TRIO: variants seen among roughly 807,000 people sequenced by gnomAD.
The protein encoded by TRIO is triple functional domain protein.
Under a neutral mutation model 351.9 loss-of-function variants are expected in TRIO, and 58 were observed. The observed-to-expected ratio is 0.16, with a 90% CI of 0.13 to 0.21. The LOEUF (loss-of-function observed/expected upper bound fraction) is 0.21. TRIO is among the 10% of genes least tolerant of loss of function. The pLI is 1.00. For synonymous variants in TRIO, 1,758 were observed against 1,595.7 expected, an observed-to-expected ratio of 1.10 and a Z score of -2.42; for missense variants, 3,201 against 4,027.8, an observed-to-expected ratio of 0.79 and a Z score of 5.56.
intron 14 of TRIO, among the ~76,000 whole-genome samples, chr5:14,364,130 C>G (rs920174281): frequency 6.6e-6 from 1 of 152,216 alleles, no homozygotes; most frequent in Non-Finnish European, 1.5e-5. Context: ...ATGATATTCT[C>G]ACATACTATT....
At chr5:14,144,099 C>T (rs1787341421) in intron 1 of TRIO, among the ~76,000 whole-genome samples, 1 of 152,084 alleles carries the variant, frequency 6.6e-6, no homozygotes, top group Admixed American at 6.5e-5. Flanking sequence ...CGCGCGGCAG[C>T]TTGGCCCGAA....
intron 33 of TRIO, among the ~76,000 whole-genome samples, chr5:14,412,966 G>A (rs776660678): frequency 3.0e-5 from 4 of 134,190 alleles, no homozygotes; most frequent in Non-Finnish European, 5.9e-5. Context: ...GGGAATGATA[G>A]TACTGCTCAC....
At chr5:14,332,613 G>T (rs1289151892) in intron 10 of TRIO, among the ~76,000 whole-genome samples, 1 of 152,116 alleles carries the variant, frequency 6.6e-6, no homozygotes, top group East Asian at 1.9e-4. Context: ...CAAATTATTT[G>T]CTATCAAGCA....
intron 29 of TRIO, among the ~76,000 whole-genome samples, chr5:14,397,736 T>A (rs1747732358): frequency 6.6e-6 from 1 of 152,224 alleles, no homozygotes; most frequent in Non-Finnish European, 1.5e-5. Context: ...CCCCAAATGC[T>A]TTTGCTAGCC....
chr5:14,227,358 G>A (rs1793112769), intron 1 of TRIO, among the ~76,000 whole-genome samples: 1 of 152,196 alleles, frequency 6.6e-6, no homozygotes, highest in South Asian at 2.1e-4. Context: ...AAAGGACAGG[G>A]ACCTCCTTTT....
chr5:14,390,851 G>A (rs1392149945), intron 26 of TRIO, 50 bp from the exon 27 acceptor site: 5 of 1,485,516 alleles, frequency 3.4e-6, no homozygotes, highest in Non-Finnish European at 4.6e-6. Flanking sequence ...AGTTTATCAT[G>A]CGTTGACTTG....
chr5:14,210,863 A>G (rs904544772), intron 1 of TRIO, among the ~76,000 whole-genome samples: 2 of 152,092 alleles, frequency 1.3e-5, no homozygotes, highest in African/African-American at 4.8e-5. Context: ...CAAAAAGTCC[A>G]TCCGTCCTTA....
chr5:14,234,083 A>G (rs1793631393), intron 1 of TRIO, among the ~76,000 whole-genome samples: 1 of 152,192 alleles, frequency 6.6e-6, no homozygotes. Context: ...ATGAGCCACC[A>G]TGTCTGGCCT....
intron 5 of TRIO, 25 bp from the exon 6 acceptor site, chr5:14,292,987 C>CG (rs1561301269): frequency 1.9e-6 from 3 of 1,613,540 alleles, no homozygotes; most frequent in Non-Finnish European, 2.5e-6. Flanking sequence ...GGAGTGATTG[C>CG]GGGTTGTCTT....
chr5:14,506,828 G>A (rs1757721090), intron 55 of TRIO, among the ~76,000 whole-genome samples: 1 of 152,178 alleles, frequency 6.6e-6, no homozygotes, highest in African/African-American at 2.4e-5. Flanking sequence ...ACCTGGCACT[G>A]CCGGCAGCCG....
chr5:14,489,370 C>T (rs374857666), intron 48 of TRIO, among the ~76,000 whole-genome samples: 3 of 152,310 alleles, frequency 2.0e-5, no homozygotes, highest in African/African-American at 7.2e-5. Flanking sequence ...TCATGGCCAC[C>T]GTACTGTGTC....
intron 34 of TRIO, chr5:14,420,250 G>A (rs904382262): frequency 3.5e-5 from 21 of 596,414 alleles, no homozygotes; most frequent in South Asian, 2.0e-4. Flanking sequence ...CTTCCAGGGC[G>A]GTGTAGTGAG....
At chr5:14,394,509 G>A (rs1747392304) in intron 28 of TRIO, among the ~76,000 whole-genome samples, 1 of 152,160 alleles carries the variant, frequency 6.6e-6, no homozygotes, top group African/African-American at 2.4e-5. Context: ...ACTAGCCTCA[G>A]ACTGTAAGGA....
intron 53 of TRIO, among the ~76,000 whole-genome samples, chr5:14,501,017 A>C (rs1269841908): frequency 4.0e-5 from 6 of 150,456 alleles, no homozygotes; most frequent in African/African-American, 1.5e-4. Context: ...GTCGCCATTT[A>C]TGTTTGGTCC....
intron 34 of TRIO, among the ~76,000 whole-genome samples, chr5:14,449,764 C>T (rs1379973975): frequency 1.3e-5 from 2 of 152,184 alleles, no homozygotes; most frequent in East Asian, 3.9e-4. Flanking sequence ...ACTCTTTCTT[C>T]ATTTATTTTA....
chr5:14,433,288 T>C (rs1429085691), intron 34 of TRIO, among the ~76,000 whole-genome samples: 1 of 152,222 alleles, frequency 6.6e-6, no homozygotes, highest in Non-Finnish European at 1.5e-5. Context: ...CTTTTGTGGA[T>C]TGGCAACTGT....
chr5:14,190,635 A>G (rs1055210471), intron 1 of TRIO, among the ~76,000 whole-genome samples: 1 of 152,162 alleles, frequency 6.6e-6, no homozygotes, highest in Admixed American at 6.5e-5. Flanking sequence ...AGAATGCTTT[A>G]AGTTGTCTTC....
rs35925373 is a variant in TRIO at position 14,233,316 on chromosome 5, TAA to T, written c.158-37486_158-37485del. Among the ~76,000 whole-genome samples, 1,056 of 109,198 alleles carry T rather than the reference TAA, an allele frequency of 9.7e-3. 14 individuals carry two copies. Among genetic ancestry groups the T allele is most frequent in the African/African-American group, 0.034 (926 of 26,890 alleles). The allele number at this position is 109,198 out of a possible 152,430, so 71.6% of individuals were successfully genotyped here. On this transcript the variant is annotated intron_variant, in intron 1 of 56. Coordinates refer to ENST00000344204, the MANE Select transcript of TRIO (RefSeq NM_007118.4). The stretch of plus-strand genomic sequence containing the variant: ...GGCAACATGGCGAGACCTCGTCTCT[TAA>T]AAAAAAAAAAAAAAAAAAAAAATTA...
chr5:14,342,702 A>G (rs1363590473), intron 11 of TRIO, among the ~76,000 whole-genome samples: 5 of 152,110 alleles, frequency 3.3e-5, no homozygotes, highest in African/African-American at 9.7e-5. Context: ...TCCTGGAAGT[A>G]TTTTTGTTGA....
Sources: allele counts gnomAD v4.1 joint callset (sites outside exome capture counted in the v4.1 genomes callset), GRCh38; gene constraint gnomAD v4.1.1; transcripts MANE v1.5; gene names NCBI Gene and HGNC (gene_info 2026-07-23, HGNC 2026-07-21).